Variants in ANAPC7 observed in about 807,000 individuals in gnomAD.
The protein encoded by ANAPC7 is anaphase-promoting complex subunit 7.
A neutral mutation model predicts 63.3 loss-of-function variants in ANAPC7; 25 were observed. The observed-to-expected ratio is 0.39, with a 90% CI of 0.29 to 0.55. The LOEUF (loss-of-function observed/expected upper bound fraction) is 0.55, where lower values mean the gene tolerates loss of function less well. Ranked by LOEUF, ANAPC7 falls within the 20% of genes least tolerant of loss-of-function variation. The probability of loss-of-function intolerance (pLI) is 0.57; values close to 1 mark genes in which losing one functional copy is unlikely to be tolerated. For missense variants in ANAPC7, 516 were observed against 691.7 expected, an observed-to-expected ratio of 0.75 and a Z score of 2.85; for synonymous variants, 241 against 251.7, an observed-to-expected ratio of 0.96 and a Z score of 0.40.
At chr12:110,382,555 A>G (rs1452911915) in intron 7 of ANAPC7, among the ~76,000 whole-genome samples, 2 of 143,280 alleles carry the variant, frequency 1.4e-5, no homozygotes, top group African/African-American at 5.2e-5. Context: ...GGCCTCAAGT[A>G]ATTACCTCTT....
At chr12:110,397,687 C>G (rs2062163995) in intron 1 of ANAPC7, among the ~76,000 whole-genome samples, 1 of 151,992 alleles carries the variant, frequency 6.6e-6, no homozygotes, top group African/African-American at 2.4e-5. Context: ...CACCTGAGGT[C>G]AGGAGTTTAA....
chr12:110,396,190 C>T, intron 2 of ANAPC7, 76 bp downstream of exon 2: 1 of 1,381,552 alleles, frequency 7.2e-7, no homozygotes, highest in Admixed American at 2.1e-5. Context: ...GCACTGGGGC[C>T]TGGGGACCCT....
chr12:110,396,256 C>T lies in ANAPC7; in HGVS notation c.288+10G>A. 1 of 1,538,696 alleles carries T rather than the reference C, an allele frequency of 6.5e-7. No homozygotes were observed. Among genetic ancestry groups the T allele is most frequent in the South Asian group, 1.2e-5 (1 of 83,922 alleles). On this transcript the variant is annotated intron_variant, in intron 2 of 10. Coordinates refer to ENST00000455511, the MANE Select transcript of ANAPC7 (RefSeq NM_016238.3). Reference sequence around the variant, plus strand: ...AAAAAAAAAAAAATCACAATTCTATCTCCAATTACCTGACTTTGTGGAGTA... The same window carrying T: ...AAAAAAAAAAAAATCACAATTCTATTTCCAATTACCTGACTTTGTGGAGTA...
Position 110,384,031 on chromosome 12 carries a change from T to A in ANAPC7, c.818-1071A>T, listed in dbSNP as rs1175911252. Reference sequence around the variant, plus strand: ...GCCTGGCCAAGATGGTGAAACCCCGTCTCTACTAAAAATACAAAAAATTAG... The same window carrying A: ...GCCTGGCCAAGATGGTGAAACCCCGACTCTACTAAAAATACAAAAAATTAG... On this transcript the variant is annotated intron_variant, in intron 6 of 10. Coordinates refer to ENST00000455511, the MANE Select transcript of ANAPC7 (RefSeq NM_016238.3). 2.0e-5 allele frequency among the ~76,000 whole-genome samples: 3 copies of A among 148,810 alleles called. No individual in the cohort carries two copies. In the Admixed American group the frequency reaches 2.0e-4, roughly 10 times the overall value.
intron 1 of ANAPC7, among the ~76,000 whole-genome samples, chr12:110,400,699 G>A (rs1044553143): frequency 6.6e-6 from 1 of 152,020 alleles, no homozygotes; most frequent in African/African-American, 2.4e-5. Context: ...CAGGGCTCCT[G>A]TCAACATGAA....
chr12:110,377,243 A>C, intron 9 of ANAPC7, 150 bp downstream of exon 9: 1 of 675,618 alleles, frequency 1.5e-6, no homozygotes, highest in South Asian at 2.0e-5. Context: ...TGGTTGGGCT[A>C]AATATAAACC....
At chr12:110,397,496 T>C (rs1055617393) in intron 1 of ANAPC7, among the ~76,000 whole-genome samples, 1 of 146,558 alleles carries the variant, frequency 6.8e-6, no homozygotes, top group Non-Finnish European at 1.5e-5. Context: ...GAGGTTATAG[T>C]AAGCCGAGAT....
intron 1 of ANAPC7, among the ~76,000 whole-genome samples, chr12:110,399,958 G>T (rs150701875): frequency 6.6e-4 from 100 of 152,138 alleles, no homozygotes; most frequent in African/African-American, 2.3e-3. Flanking sequence ...GCCAGGCATG[G>T]TGGTGGGCGC....
At chr12:110,397,702 A>G (rs2062164257) in intron 1 of ANAPC7, among the ~76,000 whole-genome samples, 1 of 152,158 alleles carries the variant, frequency 6.6e-6, no homozygotes, top group African/African-American at 2.4e-5. Flanking sequence ...GTTTAAGACT[A>G]GCCTAACCAA....
At chr12:110,399,294 A>G (rs1012030529) in intron 1 of ANAPC7, among the ~76,000 whole-genome samples, 11 of 151,294 alleles carry the variant, frequency 7.3e-5, no homozygotes, top group Non-Finnish European at 8.8e-5. Flanking sequence ...TGCTGGGATT[A>G]CAGGCGTGAG....
At chr12:110,390,914 G>A (rs959392273) in intron 3 of ANAPC7, among the ~76,000 whole-genome samples, 27 of 152,220 alleles carry the variant, frequency 1.8e-4, no homozygotes, top group Non-Finnish European at 2.6e-4. Context: ...ATTATTGGCC[G>A]GGCGCAGTGG....
chr12:110,384,517 C>G (rs549886501), intron 6 of ANAPC7, among the ~76,000 whole-genome samples: 1 of 151,744 alleles, frequency 6.6e-6, no homozygotes, highest in East Asian at 2.0e-4. Flanking sequence ...GAAACCCCAT[C>G]TCTACTAAAA....
At chr12:110,401,781 C>A (rs1367353790) in intron 1 of ANAPC7, among the ~76,000 whole-genome samples, 2 of 151,376 alleles carry the variant, frequency 1.3e-5, no homozygotes, top group East Asian at 3.9e-4. Context: ...GTCAGGAGAT[C>A]GAGACCATCG....
intron 3 of ANAPC7, among the ~76,000 whole-genome samples, chr12:110,389,542 G>C (rs1354440697): frequency 6.6e-6 from 1 of 152,214 alleles, no homozygotes; most frequent in African/African-American, 2.4e-5. Flanking sequence ...AATCCAGTGA[G>C]TGCAGACAGC....
intron 1 of ANAPC7, among the ~76,000 whole-genome samples, chr12:110,396,860 T>A (rs949763308): frequency 6.6e-6 from 1 of 151,528 alleles, no homozygotes; most frequent in South Asian, 2.1e-4. Flanking sequence ...CATATTCTCA[T>A]ATTAAGATGA....
chr12:110,377,673 C>T (rs774182769), intron 8 of ANAPC7, 56 bp from the exon 9 acceptor site: 1 of 1,607,816 alleles, frequency 6.2e-7, no homozygotes, highest in East Asian at 2.2e-5. Flanking sequence ...CCAACCCATG[C>T]TTCCACTCTG....
intron 8 of ANAPC7, among the ~76,000 whole-genome samples, chr12:110,380,566 G>GCA (rs1428435688): frequency 3.4e-5 from 5 of 147,154 alleles, no homozygotes; most frequent in African/African-American, 7.6e-5. Context: ...CAGGAGAATG[G>GCA]TTTGAACCCG....
intron 9 of ANAPC7, among the ~76,000 whole-genome samples, chr12:110,376,849 A>G (rs1011582697): frequency 6.6e-6 from 1 of 152,048 alleles, no homozygotes; most frequent in African/African-American, 2.4e-5. Flanking sequence ...GAGGCTGGGC[A>G]CGGTGGCTCA....
At chr12:110,379,896 A>G (rs748627493) in intron 8 of ANAPC7, among the ~76,000 whole-genome samples, 106 of 152,178 alleles carry the variant, frequency 7.0e-4, no homozygotes, top group Non-Finnish European at 1.3e-3. Context: ...AATTCACATG[A>G]ACTTAAAATA....
Sources: allele counts gnomAD v4.1 joint callset (sites outside exome capture counted in the v4.1 genomes callset), GRCh38; gene constraint gnomAD v4.1.1; transcripts MANE v1.5; gene names NCBI Gene and HGNC (gene_info 2026-07-23, HGNC 2026-07-21).